The following ATP10A variants were observed in gnomAD, a reference collection of about 807,000 sequenced individuals.
ATP10A encodes phospholipid-transporting ATPase VA.
ATP10A carries 111 observed loss-of-function variants against 147.8 expected under a neutral mutation model. That is an observed-to-expected ratio of 0.75 (90% CI 0.64 to 0.88). The LOEUF is 0.88. Ranked by LOEUF, ATP10A falls within the 40% of genes least tolerant of loss-of-function variation. The pLI, the probability that ATP10A is intolerant of heterozygous loss-of-function variation, is 0.00. For synonymous variants in ATP10A, 875 were observed against 841.6 expected (o/e 1.04, Z -0.69); for missense variants, 1,927 against 1,959.0 (o/e 0.98, Z 0.31).
In ATP10A at chr15:25,713,881, C is replaced by A; in HGVS notation, c.2137G>T (p.Val713Leu). 6.2e-7 allele frequency: 1 copy of A among 1,613,836 alleles called. No individual in the cohort carries two copies. The highest frequency in any genetic ancestry group is 8.5e-7 in the Non-Finnish European group (1 of 1,180,050). Reference protein sequence around the residue: ...LVYAARAYNCVLVERLHDQVS... With the variant: ...LVYAARAYNCLLVERLHDQVS... ...TGGTCGTGCAGCCGCTCCACAAGCA[C>A]GCAGTTGTAGGCTCTGGCCGCATAC... The change falls in exon 10 of 21, where the codon GTG becomes TTG. Residue 713 changes from valine (V) to leucine (L), a missense_variant. By Grantham distance (32) the Val-to-Leu change is conservative. Transcript: ENST00000555815.
intron 13 of ATP10A, among the ~76,000 whole-genome samples, chr15:25,698,507 T>A (rs1364616993): frequency 6.7e-6 from 1 of 150,238 alleles, no homozygotes; most frequent in Non-Finnish European, 1.5e-5. Flanking sequence ...AGGTGGTAAT[T>A]GACTATTTGT....
At chr15:25,849,788 G>T (rs1321625963) in intron 1 of ATP10A, among the ~76,000 whole-genome samples, 2 of 151,792 alleles carry the variant, frequency 1.3e-5, no homozygotes, top group Non-Finnish European at 2.9e-5. Flanking sequence ...GCAGCAGCCA[G>T]ATTTCTATGG....
At chr15:25,740,244 T>C (rs1259262720) in intron 2 of ATP10A, among the ~76,000 whole-genome samples, 1 of 152,198 alleles carries the variant, frequency 6.6e-6, no homozygotes, top group Non-Finnish European at 1.5e-5. Context: ...AAGAGGATAC[T>C]GTTATTTTTT....
chr15:25,734,541 C>A (rs1026174499), intron 3 of ATP10A, among the ~76,000 whole-genome samples: 14 of 152,160 alleles, frequency 9.2e-5, no homozygotes, highest in African/African-American at 3.4e-4. Context: ...GTGCCCTGCA[C>A]ACAAACTCTT....
chr15:25,820,473 C>T (rs1254230481), intron 1 of ATP10A, among the ~76,000 whole-genome samples: 1 of 152,096 alleles, frequency 6.6e-6, no homozygotes, highest in Non-Finnish European at 1.5e-5. Context: ...GCAATCCCAA[C>T]TAAAACTCCA....
chr15:25,766,189 A>G (rs1032089937), intron 2 of ATP10A, among the ~76,000 whole-genome samples: 1 of 152,172 alleles, frequency 6.6e-6, no homozygotes, highest in African/African-American at 2.4e-5. Flanking sequence ...ATAGCACAAG[A>G]AAGACCAGAC....
At chr15:25,748,431 T>C (rs1421042785) in intron 2 of ATP10A, among the ~76,000 whole-genome samples, 1 of 152,130 alleles carries the variant, frequency 6.6e-6, no homozygotes, top group African/African-American at 2.4e-5. Context: ...AAGCAGAATA[T>C]GCATTTGATT....
At chr15:25,836,597 TC>T (rs1892607083) in intron 1 of ATP10A, among the ~76,000 whole-genome samples, 1 of 152,184 alleles carries the variant, frequency 6.6e-6, no homozygotes, top group Non-Finnish European at 1.5e-5. Flanking sequence ...AAGGGTGTCT[TC>T]CAGGCAGCGC....
At chr15:25,864,669 G>A (rs1450570461), upstream of ATP10A, among the ~76,000 whole-genome samples, 1 of 152,204 alleles carries the variant, frequency 6.6e-6, no homozygotes, top group Non-Finnish European at 1.5e-5. Flanking sequence ...GACATGTAGA[G>A]GCCCAGATCA....
At chr15:25,842,408 G>A (rs911457104) in intron 1 of ATP10A, among the ~76,000 whole-genome samples, 6 of 152,068 alleles carry the variant, frequency 3.9e-5, no homozygotes, top group Non-Finnish European at 7.4e-5. Flanking sequence ...AGTTTCCAGC[G>A]TCCTTTTACT....
intron 15 of ATP10A, among the ~76,000 whole-genome samples, chr15:25,689,274 T>C (rs1899876616): frequency 1.3e-5 from 2 of 152,216 alleles, no homozygotes. Flanking sequence ...TCAGAGATGT[T>C]GGGGTCACCT....
Position 25,721,864 on chromosome 15 carries a change from C to CT in ATP10A, c.1155dup (p.Ala386SerfsTer8). 1 of 1,613,548 alleles carries CT rather than the reference C, an allele frequency of 6.2e-7. No homozygotes were observed. The highest frequency in any genetic ancestry group is 1.1e-5 in the South Asian group (1 of 91,064). On this transcript the variant is annotated frameshift_variant, in exon 7 of 21. Transcript: ENST00000555815. LOFTEE classifies it high-confidence loss of function. ...TGGTTAATGAAGTACACTTGGCATG[C>CT]TTTAACAATTTCAATGGAAACGTAT... is the stretch of plus-strand genomic sequence containing the variant.
At chr15:25,763,057 C>T (rs944029010) in intron 2 of ATP10A, among the ~76,000 whole-genome samples, 1 of 152,080 alleles carries the variant, frequency 6.6e-6, no homozygotes, top group African/African-American at 2.4e-5. Flanking sequence ...TAAAAACAAC[C>T]AGTTAATGAA....
At chr15:25,796,655 C>T (rs1890684522) in intron 1 of ATP10A, among the ~76,000 whole-genome samples, 1 of 152,224 alleles carries the variant, frequency 6.6e-6, no homozygotes, top group Admixed American at 6.5e-5. Flanking sequence ...GTCATGGACC[C>T]TCCACAGGTG....
intron 1 of ATP10A, among the ~76,000 whole-genome samples, chr15:25,785,324 G>A (rs1242943055): frequency 3.3e-5 from 5 of 152,164 alleles, no homozygotes; most frequent in Admixed American, 1.3e-4. Flanking sequence ...CAGCAGAGGC[G>A]TGCGCACACA....
intron 12 of ATP10A, 107 bp from the exon 13 acceptor site, chr15:25,702,207 C>T (rs1900710117): frequency 3.4e-6 from 4 of 1,193,352 alleles, no homozygotes; most frequent in East Asian, 4.9e-5. Flanking sequence ...GGCACTGGTA[C>T]AGCCCCTGTT....
chr15:25,821,248 G>A (rs1891867238), intron 1 of ATP10A, among the ~76,000 whole-genome samples: 1 of 152,082 alleles, frequency 6.6e-6, no homozygotes, highest in Non-Finnish European at 1.5e-5. Context: ...AGTTACCTGG[G>A]TGTCATGGCA....
chr15:25,747,922 A>G (rs1887931154), intron 2 of ATP10A, among the ~76,000 whole-genome samples: 1 of 152,208 alleles, frequency 6.6e-6, no homozygotes, highest in Admixed American at 6.5e-5. Context: ...AACATATTAA[A>G]AAACACAAAA....
intron 2 of ATP10A, among the ~76,000 whole-genome samples, chr15:25,739,672 C>T (rs1349742361): frequency 2.0e-5 from 3 of 152,188 alleles, no homozygotes; most frequent in Non-Finnish European, 2.9e-5. Flanking sequence ...TGCTGCAGCA[C>T]CCCAGCATCT....
Sources: allele counts gnomAD v4.1 joint callset (sites outside exome capture counted in the v4.1 genomes callset), GRCh38; gene constraint gnomAD v4.1.1; transcripts MANE v1.5; gene names NCBI Gene and HGNC (gene_info 2026-07-23, HGNC 2026-07-21).